Variants in CEP63 observed in about 807,000 individuals in gnomAD.
The protein encoded by CEP63 is centrosomal protein of 63 kDa.
Under a neutral mutation model 89.1 loss-of-function variants are expected in CEP63, and 84 were observed. The observed-to-expected ratio is 0.94, with a 90% CI of 0.79 to 1.13. CEP63 has a LOEUF of 1.13. CEP63 is among the 50% of genes most tolerant of loss of function. The pLI is 0.00. For synonymous variants in CEP63, 267 were observed against 272.5 expected (o/e 0.98, Z 0.20); for missense variants, 838 against 813.3 (o/e 1.03, Z -0.37).
At chr3:134,716,053 C>T in the CEP63 span, among the ~76,000 whole-genome samples, 1 of 152,080 alleles carries the variant, frequency 6.6e-6, no homozygotes, top group Non-Finnish European at 1.5e-5. Flanking sequence ...ATACTTTCCC[C>T]GACTCCTGTC....
At chr3:134,609,750 A>G in the CEP63 span, among the ~76,000 whole-genome samples, 1 of 152,144 alleles carries the variant, frequency 6.6e-6, no homozygotes, top group African/African-American at 2.4e-5. Flanking sequence ...CAGAAATGTG[A>G]TACGGTCTCA....
At position 134,563,183 on chromosome 3, in the gene CEP63, A is replaced by G. The variant is rs1193386406; in HGVS notation, c.*1648A>G. ...TAATTCCTTCCTTACCCACATCCGC[A>G]TATCCAGTCATTTGGGAGGTCCTGT... On this transcript the variant is annotated 3_prime_UTR_variant, in exon 15 of 15. Coordinates refer to ENST00000675561, the MANE Select transcript of CEP63 (RefSeq NM_001353108.3). 1 of 152,208 alleles carries G rather than the reference A, an allele frequency of 6.6e-6. No homozygotes were observed. The highest frequency in any genetic ancestry group is 1.5e-5 in the Non-Finnish European group (1 of 68,076). 9.4% of individuals were successfully genotyped at this position (152,208 alleles called of 1,614,324 possible).
chr3:134,548,076 A>G (rs1275057711), intron 9 of CEP63, among the ~76,000 whole-genome samples: 3 of 152,164 alleles, frequency 2.0e-5, no homozygotes, highest in African/African-American at 7.2e-5. Flanking sequence ...CTTCTGCATC[A>G]TCAAGTTCTT....
the CEP63 span, among the ~76,000 whole-genome samples, chr3:134,738,249 TACACACACACACACAC>T: frequency 6.2e-5 from 9 of 145,596 alleles, no homozygotes; most frequent in Non-Finnish European, 4.5e-5. Flanking sequence ...TATTCCATCA[TACACACACACACACAC>T]ACACACACAC....
the CEP63 span, among the ~76,000 whole-genome samples, chr3:134,596,812 T>C: frequency 6.6e-6 from 1 of 152,216 alleles, no homozygotes; most frequent in African/African-American, 2.4e-5. Flanking sequence ...TAGAAGGTTC[T>C]GGGTTAACAG....
chr3:134,617,852 T>C, the CEP63 span, among the ~76,000 whole-genome samples: 37 of 152,036 alleles, frequency 2.4e-4, no homozygotes, highest in African/African-American at 8.7e-4. Flanking sequence ...GCTGGAAACT[T>C]GGCTGAGGTC....
chr3:134,521,363 T>A (rs1947412197), intron 3 of CEP63, among the ~76,000 whole-genome samples: 1 of 152,214 alleles, frequency 6.6e-6, no homozygotes, highest in African/African-American at 2.4e-5. Context: ...TAATTTTGTT[T>A]TAAAAAGCAA....
chr3:134,747,195 C>A, the CEP63 span, among the ~76,000 whole-genome samples: 1 of 152,160 alleles, frequency 6.6e-6, no homozygotes, highest in Non-Finnish European at 1.5e-5. Flanking sequence ...TTCCCCATTT[C>A]TTGTTTTTGT....
At chr3:134,519,131 T>C (rs1203802549) in intron 3 of CEP63, among the ~76,000 whole-genome samples, 6 of 152,082 alleles carry the variant, frequency 3.9e-5, no homozygotes, top group Non-Finnish European at 8.8e-5. Context: ...AATTGATTTT[T>C]TTTTTGTTTT....
the CEP63 span, among the ~76,000 whole-genome samples, chr3:134,668,907 C>A: frequency 1.3e-5 from 2 of 152,168 alleles, no homozygotes; most frequent in Non-Finnish European, 2.9e-5. Context: ...TCAAAGAACT[C>A]GTCTTATATT....
the CEP63 span, chr3:134,650,840 G>C: frequency 1.0e-5 from 16 of 1,604,012 alleles, no homozygotes; most frequent in Non-Finnish European, 1.3e-5. Flanking sequence ...CCGCGCTGCA[G>C]CAGCGAGCTC....
the CEP63 span, among the ~76,000 whole-genome samples, chr3:134,621,390 C>G: frequency 6.6e-6 from 1 of 152,178 alleles, no homozygotes; most frequent in Non-Finnish European, 1.5e-5. Flanking sequence ...TGGAATACAA[C>G]TGAGAGTCCA....
chr3:134,534,557 G>C (rs1950425924), intron 5 of CEP63, among the ~76,000 whole-genome samples: 1 of 152,084 alleles, frequency 6.6e-6, no homozygotes, highest in African/African-American at 2.4e-5. Context: ...TTTAAATTCT[G>C]TCATTACATT....
chr3:134,554,922 G>C (rs1172509043), intron 12 of CEP63, among the ~76,000 whole-genome samples: 10 of 151,848 alleles, frequency 6.6e-5, no homozygotes, highest in Admixed American at 6.6e-4. Flanking sequence ...CCCACTTTTT[G>C]ATGGGGTTGT....
chr3:134,697,030 T>C, the CEP63 span, among the ~76,000 whole-genome samples: 17 of 152,246 alleles, frequency 1.1e-4, no homozygotes, highest in African/African-American at 3.6e-4. Flanking sequence ...CCAGCCCTTC[T>C]TCAAGGAGCT....
the CEP63 span, among the ~76,000 whole-genome samples, chr3:134,764,152 C>A: frequency 2.6e-5 from 4 of 152,156 alleles, no homozygotes; most frequent in African/African-American, 9.7e-5. Context: ...CAGTTTGCCT[C>A]AATGCCAAGT....
the CEP63 span, chr3:134,619,239 TCTC>T: frequency 1.2e-6 from 2 of 1,613,794 alleles, no homozygotes; most frequent in South Asian, 2.2e-5. Context: ...TGGCGGTCCT[TCTC>T]CTGAGCAGCT....
chr3:134,651,286 C>G, the CEP63 span: 1 of 1,187,532 alleles, frequency 8.4e-7, no homozygotes, highest in Admixed American at 4.0e-5. Flanking sequence ...CCCCTGCCTC[C>G]CGCCCGGTGC....
chr3:134,581,266 A>T (rs560196102), intron 10 of CEP63, among the ~76,000 whole-genome samples: 7 of 152,278 alleles, frequency 4.6e-5, no homozygotes, highest in Non-Finnish European at 1.0e-4. Context: ...TAAGAAATCA[A>T]TATACCACAT....
Sources: gnomAD v4.1 joint callset for allele counts (sites outside exome capture counted in the v4.1 genomes callset) on GRCh38, gnomAD v4.1.1 for gene constraint, MANE v1.5 for transcripts, NCBI Gene and HGNC (gene_info 2026-07-23, HGNC 2026-07-21) for gene names.